PARD3B: variants seen among roughly 807,000 people sequenced by gnomAD.
The protein encoded by PARD3B is par-3 family cell polarity regulator beta.
PARD3B carries 103 observed loss-of-function variants against 130.2 expected under a neutral mutation model. That is an observed-to-expected ratio of 0.79 (90% CI 0.67 to 0.93). The LOEUF is 0.93. PARD3B is among the 40% of genes least tolerant of loss of function. The pLI is 0.00. For synonymous variants in PARD3B, 583 were observed against 553.2 expected (o/e 1.05, Z -0.76); for missense variants, 1,609 against 1,499.2 (o/e 1.07, Z -1.21).
rs540008886 is a variant in PARD3B, at chr2:204,980,144, C to T, written c.394+14821C>T. ...AGTCATAAGAGGAAAGCATCCTGCT[C>T]AATAGAAAAATAGGAAAGAACCCTA... On this transcript the variant is annotated intron_variant, in intron 3 of 22. Transcript: ENST00000406610. Among the ~76,000 whole-genome samples the T allele has an allele frequency of 2.6e-5, 4 of 152,170 alleles. 1 individual carries two copies. The highest frequency in any genetic ancestry group is 9.6e-5 in the African/African-American group (4 of 41,516).
At chr2:205,063,252 T>C (rs1420347825) in intron 4 of PARD3B, among the ~76,000 whole-genome samples, 1 of 152,016 alleles carries the variant, frequency 6.6e-6, no homozygotes, top group African/African-American at 2.4e-5. Flanking sequence ...ATTTGATCAT[T>C]ATACGTTGTA....
intron 20 of PARD3B, among the ~76,000 whole-genome samples, chr2:205,465,923 C>G (rs1405968144): frequency 6.6e-6 from 1 of 152,180 alleles, no homozygotes; most frequent in Non-Finnish European, 1.5e-5. Flanking sequence ...TTTTCATAAG[C>G]AGAGTGAGAG....
At chr2:205,380,880 T>TTATATATAAAGAATATA (rs1553499069) in intron 18 of PARD3B, among the ~76,000 whole-genome samples, 1 of 12,820 alleles carries the variant, frequency 7.8e-5, no homozygotes, top group Non-Finnish European at 1.4e-4. Context: ...AAAGAATACA[T>TTATATATAAAGAATATA]TATAATATAT....
intron 2 of PARD3B, among the ~76,000 whole-genome samples, chr2:204,929,503 A>C (rs1222952930): frequency 1.3e-5 from 2 of 152,174 alleles, no homozygotes; most frequent in Admixed American, 1.3e-4. Flanking sequence ...AGTCCTTTTA[A>C]GTACCAAAAT....
chr2:205,523,736 G>T (rs2051200125), intron 21 of PARD3B, among the ~76,000 whole-genome samples: 1 of 150,696 alleles, frequency 6.6e-6, no homozygotes, highest in Admixed American at 6.6e-5. Context: ...GGGATTATAT[G>T]CAGTGTTTAA....
chr2:205,382,744 G>T (rs2045497280), intron 18 of PARD3B, among the ~76,000 whole-genome samples: 1 of 151,960 alleles, frequency 6.6e-6, no homozygotes, highest in African/African-American at 2.4e-5. Context: ...GTCATTATGA[G>T]ATTCATGGAT....
chr2:204,805,895 TG>T (rs2042748930), intron 2 of PARD3B, among the ~76,000 whole-genome samples: 1 of 151,934 alleles, frequency 6.6e-6, no homozygotes, highest in South Asian at 2.1e-4. Flanking sequence ...AATAACTGAG[TG>T]TAGAAGGAAC....
intron 4 of PARD3B, among the ~76,000 whole-genome samples, chr2:205,094,489 A>T (rs1330370745): frequency 6.6e-6 from 1 of 152,148 alleles, no homozygotes; most frequent in Non-Finnish European, 1.5e-5. Flanking sequence ...TCTTTAACAC[A>T]GTTTTGGCTT....
chr2:204,877,251 G>T (rs1342071918), intron 2 of PARD3B, among the ~76,000 whole-genome samples: 1 of 152,086 alleles, frequency 6.6e-6, no homozygotes, highest in Non-Finnish European at 1.5e-5. Context: ...CTGTTGTGGG[G>T]TGGGGGTAGA....
At chr2:205,149,393 A>G (rs2033593057) in intron 10 of PARD3B, among the ~76,000 whole-genome samples, 1 of 152,100 alleles carries the variant, frequency 6.6e-6, no homozygotes, top group Admixed American at 6.6e-5. Context: ...CTGGATTCCT[A>G]TATAAGTAAA....
intron 18 of PARD3B, among the ~76,000 whole-genome samples, chr2:205,354,623 C>A (rs2044127277): frequency 6.6e-6 from 1 of 152,120 alleles, no homozygotes; most frequent in African/African-American, 2.4e-5. Flanking sequence ...CAGCCAAATC[C>A]TCATTTCTTG....
chr2:205,312,520 T>C (rs1003763359), intron 18 of PARD3B, among the ~76,000 whole-genome samples: 9 of 152,274 alleles, frequency 5.9e-5, no homozygotes, highest in African/African-American at 2.2e-4. Context: ...GAAATTTGCA[T>C]GTCGAAGGCC....
chr2:205,043,626 G>A (rs536034355), intron 3 of PARD3B, among the ~76,000 whole-genome samples: 2 of 152,058 alleles, frequency 1.3e-5, no homozygotes, highest in South Asian at 2.1e-4. Flanking sequence ...CCCTAACACT[G>A]GAAGCCTCTA....
intron 2 of PARD3B, among the ~76,000 whole-genome samples, chr2:204,789,367 A>C (rs970862446): frequency 2.6e-5 from 4 of 152,154 alleles, no homozygotes; most frequent in African/African-American, 7.2e-5. Context: ...ATGTTTTTTG[A>C]GTAGGTGAAA....
At chr2:204,756,270 A>G (rs1427266491) in intron 2 of PARD3B, among the ~76,000 whole-genome samples, 4 of 152,064 alleles carry the variant, frequency 2.6e-5, no homozygotes, top group South Asian at 2.1e-4. Flanking sequence ...AAGTGGCATG[A>G]TCAGTTGGTG....
rs140756136 is a variant in PARD3B at position 204,799,259 on chromosome 2, G to A, written c.222+112977G>A. Among the ~76,000 whole-genome samples, 2 of 152,286 alleles carry A rather than the reference G, an allele frequency of 1.3e-5. No individual in the cohort carries two copies. The highest frequency in any genetic ancestry group is 2.4e-5 in the African/African-American group (1 of 41,566). On this transcript the variant is annotated intron_variant, in intron 2 of 22. Coordinates refer to ENST00000406610, the MANE Select transcript of PARD3B (RefSeq NM_001302769.2). The surrounding 1 kb of genome is among the most constrained non-coding windows in gnomAD (Gnocchi z 4.1). ...GTACTTGCCCTGGGCCTGGGTCGCT[G>A]GTGGCTGCAGGGAAACTCCCTCTGC... is the stretch of plus-strand genomic sequence containing the variant.
At chr2:205,030,888 T>A (rs1256712201) in intron 3 of PARD3B, among the ~76,000 whole-genome samples, 4 of 152,188 alleles carry the variant, frequency 2.6e-5, no homozygotes, top group Non-Finnish European at 5.9e-5. Context: ...CTTGCTAAGA[T>A]ATGTTGCTTT....
chr2:204,643,261 C>A (rs2035158476), intron 1 of PARD3B, among the ~76,000 whole-genome samples: 1 of 151,876 alleles, frequency 6.6e-6, no homozygotes, highest in Non-Finnish European at 1.5e-5. Context: ...GCCTCCTGTA[C>A]AGTCCGTGGA....
At chr2:205,217,808 G>A (rs1418437425) in intron 15 of PARD3B, among the ~76,000 whole-genome samples, 8 of 56,596 alleles carry the variant, frequency 1.4e-4, no homozygotes, top group Non-Finnish European at 2.5e-4. Flanking sequence ...ATATATGTGT[G>A]TATATATGTA....
Sources: allele counts gnomAD v4.1 joint callset (sites outside exome capture counted in the v4.1 genomes callset), GRCh38; gene constraint gnomAD v4.1.1; non-coding constraint Gnocchi (gnomAD v3.1); transcripts MANE v1.5; gene names NCBI Gene and HGNC (gene_info 2026-07-23, HGNC 2026-07-21).